The following MAGI2 variants were observed in gnomAD, a reference collection of about 807,000 sequenced individuals.
The protein encoded by MAGI2 is membrane associated guanylate kinase, WW and PDZ domain containing 2.
A neutral mutation model predicts 133.3 loss-of-function variants in MAGI2; 35 were observed. The observed-to-expected ratio is 0.26, with a 90% CI of 0.20 to 0.35. MAGI2 has a LOEUF of 0.35. Ranked by LOEUF, MAGI2 falls within the 10% of genes least tolerant of loss-of-function variation. The pLI, the probability that MAGI2 is intolerant of heterozygous loss-of-function variation, is 1.00. For synonymous variants in MAGI2, 729 were observed against 710.6 expected, an observed-to-expected ratio of 1.03 and a Z score of -0.41; for missense variants, 1,636 against 1,863.4, an observed-to-expected ratio of 0.88 and a Z score of 2.25.
chr7:78,981,648 G>A (rs1252539050), intron 2 of MAGI2, among the ~76,000 whole-genome samples: 1 of 151,712 alleles, frequency 6.6e-6, no homozygotes, highest in Non-Finnish European at 1.5e-5. Flanking sequence ...TTGTACCCTT[G>A]TATAGTTTAT....
chr7:78,127,340 G>T lies in MAGI2; in HGVS notation c.3280C>A (p.Pro1094Thr). 6.2e-7 allele frequency: 1 copy of T among 1,610,776 alleles called. No individual in the cohort carries two copies. The change falls in exon 19 of 22, where the codon CCC becomes ACC. Residue 1094 changes from proline (P) to threonine (T), a missense_variant. Transcript: ENST00000354212. ...RQPPFTDYRQ[P>T]PLDYRQPPGG... ...GGGGGTTGCCTGTAATCCAGCGGGG[G>T]CTGCCTGTAGTCTGTGAATGGAGGC... is the stretch of plus-strand genomic sequence containing the variant.
intron 1 of MAGI2, among the ~76,000 whole-genome samples, chr7:79,210,826 A>G (rs752150088): frequency 1.3e-5 from 2 of 152,062 alleles, no homozygotes; most frequent in Admixed American, 6.6e-5. Flanking sequence ...AATAACAGAT[A>G]TATTATTCTT....
chr7:79,004,292 C>G (rs752029443), intron 2 of MAGI2, among the ~76,000 whole-genome samples: 1 of 152,140 alleles, frequency 6.6e-6, no homozygotes, highest in Non-Finnish European at 1.5e-5. Context: ...AAAATAAAAT[C>G]CTGTCATTTG....
At chr7:79,189,523 A>G (rs1827471159) in intron 1 of MAGI2, among the ~76,000 whole-genome samples, 1 of 151,560 alleles carries the variant, frequency 6.6e-6, no homozygotes. Flanking sequence ...CGGAACGTAC[A>G]GTTTCCATTT....
intron 20 of MAGI2, among the ~76,000 whole-genome samples, chr7:78,088,036 TTA>T (rs1310002529): frequency 6.6e-6 from 1 of 152,182 alleles, no homozygotes; most frequent in African/African-American, 2.4e-5. Flanking sequence ...ATCACTTATA[TTA>T]GGTCATGAAG....
chr7:79,324,846 C>T (rs1024911987), intron 1 of MAGI2, among the ~76,000 whole-genome samples: 8 of 149,520 alleles, frequency 5.4e-5, no homozygotes, highest in Non-Finnish European at 8.9e-5. Flanking sequence ...GTCTACTCGT[C>T]CTTCAGAGTA....
intron 3 of MAGI2, among the ~76,000 whole-genome samples, chr7:78,603,450 G>C (rs369723033): frequency 4.6e-5 from 7 of 152,310 alleles, no homozygotes; most frequent in African/African-American, 1.4e-4. Flanking sequence ...CACATTGAAA[G>C]AAGAGTGACC....
At chr7:79,034,163 T>C (rs563071835) in intron 1 of MAGI2, among the ~76,000 whole-genome samples, 53 of 152,316 alleles carry the variant, frequency 3.5e-4, no homozygotes, top group African/African-American at 1.1e-3. Flanking sequence ...AATCTTTTAG[T>C]GCATGGAGCT....
chr7:78,336,265 T>C (rs1482452368), intron 9 of MAGI2, among the ~76,000 whole-genome samples: 1 of 152,122 alleles, frequency 6.6e-6, no homozygotes, highest in Non-Finnish European at 1.5e-5. Flanking sequence ...CTGGAATCAG[T>C]AGGTCTGGGG....
chr7:78,666,591 C>G (rs1169282795), intron 2 of MAGI2, among the ~76,000 whole-genome samples: 4 of 152,172 alleles, frequency 2.6e-5, no homozygotes, highest in Non-Finnish European at 4.4e-5. Context: ...GGGACACTGG[C>G]AAAAGCTCTC....
rs1304303347 is a variant in MAGI2 at position 78,110,285 on chromosome 7, T to C, written c.3567+15409A>G. 4.6e-5 allele frequency among the ~76,000 whole-genome samples: 7 copies of C among 151,990 alleles called. No individual in the cohort carries two copies. In the East Asian group the frequency reaches 1.4e-3, roughly 29 times the overall value. The stretch of plus-strand genomic sequence containing the variant: ...ACAGTCATGCTACTAGGTTGAGGAG[T>C]CTTTTTCTTCCACAAGAGACTAATT... On this transcript the variant is annotated intron_variant, in intron 20 of 21. Transcript: ENST00000354212.
chr7:79,385,462 G>A (rs1045130077), intron 1 of MAGI2, among the ~76,000 whole-genome samples: 3 of 151,812 alleles, frequency 2.0e-5, no homozygotes, highest in African/African-American at 7.3e-5. Context: ...AGTGATGGTA[G>A]GAAGTCCACT....
intron 2 of MAGI2, among the ~76,000 whole-genome samples, chr7:78,894,119 TG>T (rs2151577600): frequency 6.6e-6 from 1 of 152,276 alleles, no homozygotes; most frequent in Admixed American, 6.5e-5. Flanking sequence ...CTGTTATTCT[TG>T]GCCGGGCGCT....
At chr7:78,490,869 A>C (rs2150493599) in intron 5 of MAGI2, among the ~76,000 whole-genome samples, 1 of 152,236 alleles carries the variant, frequency 6.6e-6, no homozygotes, top group East Asian at 1.9e-4. Context: ...TGGGAAAAGA[A>C]TGAGCAAAGG....
rs916119509 is a variant in MAGI2 at position 79,214,798 on chromosome 7, GATA to G, written c.302-207595_302-207593del. Among the ~76,000 whole-genome samples the G allele has an allele frequency of 5.4e-4, 72 of 134,220 alleles. 1 individual carries two copies. Among genetic ancestry groups the G allele is most frequent in the African/African-American group, 1.8e-3 (64 of 36,278 alleles). 88.1% of individuals were successfully genotyped at this position (134,220 alleles called of 152,430 possible). ...TAATATAAAAATATATATTAATATA[GATA>G]ATATATAAATACATTATATTTATAA... On this transcript the variant is annotated intron_variant, in intron 1 of 21. Transcript: ENST00000354212.
At chr7:79,362,889 C>A (rs1675943406) in intron 1 of MAGI2, among the ~76,000 whole-genome samples, 1 of 151,796 alleles carries the variant, frequency 6.6e-6, no homozygotes, top group African/African-American at 2.4e-5. Flanking sequence ...ATAATGGACA[C>A]AAGTCAAAGG....
chr7:79,027,788 G>A (rs963914456), intron 1 of MAGI2, among the ~76,000 whole-genome samples: 5 of 151,972 alleles, frequency 3.3e-5, no homozygotes, highest in African/African-American at 9.7e-5. Flanking sequence ...ATCTATAAAT[G>A]TATAGAATTA....
intron 1 of MAGI2, among the ~76,000 whole-genome samples, chr7:79,388,030 G>A (rs574990231): frequency 1.3e-5 from 2 of 151,860 alleles, no homozygotes; most frequent in African/African-American, 2.4e-5. Context: ...TAATATTCCT[G>A]CTTGCTTAAT....
chr7:78,774,549 C>T (rs111879687), intron 2 of MAGI2, among the ~76,000 whole-genome samples: 44 of 152,240 alleles, frequency 2.9e-4, no homozygotes, highest in African/African-American at 9.6e-4. Flanking sequence ...ATCTCCAGGG[C>T]CATGTTGCCT....
Sources: allele counts gnomAD v4.1 joint callset (sites outside exome capture counted in the v4.1 genomes callset), GRCh38; gene constraint gnomAD v4.1.1; transcripts MANE v1.5; gene names NCBI Gene and HGNC (gene_info 2026-07-23, HGNC 2026-07-21).